TMEM123: variants seen among roughly 807,000 people sequenced by gnomAD.
TMEM123 encodes the protein transmembrane protein 123.
Under a neutral mutation model 19.7 loss-of-function variants are expected in TMEM123, and 16 were observed. The ratio of observed to expected loss-of-function variants is 0.81; its 90% CI spans 0.55 to 1.23. The LOEUF is 1.23. Ranked by LOEUF, TMEM123 falls within the 50% of genes most tolerant of loss-of-function variation. TMEM123 has a pLI of 0.00. For missense variants in TMEM123, 313 were observed against 257.8 expected (o/e 1.21, Z -1.47); for synonymous variants, 118 against 99.4 (o/e 1.19, Z -1.12).
chr11:102,451,593 GTTAC>G (rs1035462820), intron 1 of TMEM123, among the ~76,000 whole-genome samples: 49 of 152,278 alleles, frequency 3.2e-4, no homozygotes, highest in African/African-American at 1.0e-3. Flanking sequence ...AAAACCTTGG[GTTAC>G]TTAACTTATC....
chr11:102,434,027 A>G (rs1857738208), intron 2 of TMEM123, among the ~76,000 whole-genome samples: 1 of 151,930 alleles, frequency 6.6e-6, no homozygotes, highest in Admixed American at 6.6e-5. Flanking sequence ...ACACTTGGCT[A>G]TTGTGAATAG....
At chr11:102,427,021 C>G (rs1170841999) in intron 2 of TMEM123, among the ~76,000 whole-genome samples, 2 of 150,884 alleles carry the variant, frequency 1.3e-5, no homozygotes, top group African/African-American at 4.9e-5. Context: ...CTGTCTATTA[C>G]AGGAGAGAAC....
chr11:102,444,789 A>G (rs1478817498), intron 2 of TMEM123, among the ~76,000 whole-genome samples: 1 of 152,018 alleles, frequency 6.6e-6, no homozygotes, highest in Non-Finnish European at 1.5e-5. Flanking sequence ...TCAATGATAG[A>G]CTGGATTAAG....
At chr11:102,434,663 A>G (rs1363009149) in intron 2 of TMEM123, among the ~76,000 whole-genome samples, 3 of 151,830 alleles carry the variant, frequency 2.0e-5, no homozygotes. Context: ...TGCCCAGACC[A>G]ATGTTGTGTA....
chr11:102,420,716 G>GAATGTGTC (rs531442505), intron 2 of TMEM123, among the ~76,000 whole-genome samples: 1 of 152,164 alleles, frequency 6.6e-6, no homozygotes, highest in Non-Finnish European at 1.5e-5. Context: ...ACAGATGAGT[G>GAATGTGTC]AATGTGTCAA....
chr11:102,436,069 A>AT (rs1709032958), intron 2 of TMEM123, among the ~76,000 whole-genome samples: 1 of 150,034 alleles, frequency 6.7e-6, no homozygotes, highest in African/African-American at 2.5e-5. Flanking sequence ...CAGTGAAGGT[A>AT]TTTAAAAAAA....
intron 2 of TMEM123, among the ~76,000 whole-genome samples, chr11:102,431,918 CTT>C (rs1051063450): frequency 8.5e-5 from 13 of 152,296 alleles, no homozygotes; most frequent in African/African-American, 2.2e-4. Context: ...CCTGCTGGCA[CTT>C]TCTCTCTCCT....
intron 2 of TMEM123, among the ~76,000 whole-genome samples, chr11:102,419,635 A>C (rs1952070045): frequency 6.6e-6 from 1 of 152,238 alleles, no homozygotes; most frequent in South Asian, 2.1e-4. Flanking sequence ...TGAAGACATA[A>C]ATAGTAAAGT....
intron 2 of TMEM123, among the ~76,000 whole-genome samples, chr11:102,441,314 G>C (rs543167370): frequency 6.6e-6 from 1 of 152,198 alleles, no homozygotes; most frequent in African/African-American, 2.4e-5. Context: ...CTCAGCAAAT[G>C]TAAAAGAACA....
intron 2 of TMEM123, among the ~76,000 whole-genome samples, chr11:102,435,326 G>C (rs965552626): frequency 6.6e-6 from 1 of 151,818 alleles, no homozygotes; most frequent in Non-Finnish European, 1.5e-5. Flanking sequence ...ATATACAAAT[G>C]ACCAATAATC....
intron 2 of TMEM123, among the ~76,000 whole-genome samples, chr11:102,440,668 C>A (rs545309411): frequency 2.6e-5 from 4 of 152,314 alleles, no homozygotes; most frequent in Admixed American, 2.0e-4. Context: ...CAGCTAACAT[C>A]ATAATGACAG....
chr11:102,435,812 A>C (rs1857756889), intron 2 of TMEM123, among the ~76,000 whole-genome samples: 1 of 151,926 alleles, frequency 6.6e-6, no homozygotes, highest in Non-Finnish European at 1.5e-5. Flanking sequence ...CATTCATATG[A>C]AAGTCCAGAA....
chr11:102,415,596 A>C (rs978447978), intron 2 of TMEM123, among the ~76,000 whole-genome samples: 1 of 152,246 alleles, frequency 6.6e-6, no homozygotes, highest in East Asian at 1.9e-4. Context: ...AATGAAATTA[A>C]GGCAGAAATA....
chr11:102,401,733 T>A (rs760497541), intron 3 of TMEM123, 41 bp from the exon 4 acceptor site: 29 of 1,542,618 alleles, frequency 1.9e-5, no homozygotes, highest in Non-Finnish European at 2.4e-5. Flanking sequence ...AGCGTTATTT[T>A]TTTTTTTTTA....
chr11:102,407,949 G>A (rs755516535), intron 2 of TMEM123, among the ~76,000 whole-genome samples: 3 of 152,188 alleles, frequency 2.0e-5, no homozygotes, highest in Non-Finnish European at 2.9e-5. Context: ...ATATGTCTCT[G>A]TGCAACGGTA....
chr11:102,442,575 C>T (rs1421646260), intron 2 of TMEM123, among the ~76,000 whole-genome samples: 1 of 152,086 alleles, frequency 6.6e-6, no homozygotes, highest in Non-Finnish European at 1.5e-5. Flanking sequence ...TATGACAAAC[C>T]CACAGCCAAT....
At chr11:102,442,991 C>G (rs1324520392) in intron 2 of TMEM123, among the ~76,000 whole-genome samples, 1 of 152,100 alleles carries the variant, frequency 6.6e-6, no homozygotes, top group Non-Finnish European at 1.5e-5. Flanking sequence ...ACTTACAAGG[C>G]ATGTGAAGGA....
rs185191795 is a variant in TMEM123, at chr11:102,440,366, C to T, written c.157+8446G>A. Among the ~76,000 whole-genome samples the T allele has an allele frequency of 9.2e-5, 14 of 152,268 alleles. 1 individual carries two copies. Among genetic ancestry groups the T allele is most frequent in the Admixed American group, 6.5e-4 (10 of 15,302 alleles). Reference sequence around the variant, plus strand: ...AGCGGATGTCTCGGCAGAAACTCCACAAGCCAGAAGAAAGTAGGGGGCCAA... The same window carrying T: ...AGCGGATGTCTCGGCAGAAACTCCATAAGCCAGAAGAAAGTAGGGGGCCAA... On this transcript the variant is annotated intron_variant, in intron 2 of 4. Transcript: ENST00000398136.
chr11:102,430,945 G>A (rs922781191), intron 2 of TMEM123, among the ~76,000 whole-genome samples: 1 of 152,180 alleles, frequency 6.6e-6, no homozygotes, highest in Non-Finnish European at 1.5e-5. Context: ...CACTAAACTA[G>A]TGAACCAAAT....
Sources: allele counts gnomAD v4.1 joint callset (sites outside exome capture counted in the v4.1 genomes callset), GRCh38; gene constraint gnomAD v4.1.1; transcripts MANE v1.5; gene names NCBI Gene and HGNC (gene_info 2026-07-23, HGNC 2026-07-21).